The following ZFAT variants were observed in gnomAD, a reference collection of about 807,000 sequenced individuals.
The protein encoded by ZFAT is zinc finger protein ZFAT.
Under a neutral mutation model 117.7 loss-of-function variants are expected in ZFAT, and 64 were observed. The ratio of observed to expected loss-of-function variants is 0.54; its 90% confidence interval spans 0.44 to 0.67. The LOEUF is 0.67. ZFAT is among the 30% of genes least tolerant of loss of function. ZFAT has a pLI of 0.00. For missense variants in ZFAT, 1,433 were observed against 1,584.5 expected (o/e 0.90, Z 1.62); for synonymous variants, 679 against 615.0 (o/e 1.10, Z -1.54).
the ZFAT span, among the ~76,000 whole-genome samples, chr8:134,799,670 T>C: frequency 2.0e-5 from 3 of 152,292 alleles, no homozygotes; most frequent in East Asian, 3.9e-4. Context: ...CAAAGTAACA[T>C]AGCGAAGTAA....
chr8:134,478,390 C>T lies in ZFAT; in HGVS notation c.*92G>A. ...AGGGAGGGCAAAGGAGAGCACCATTCTGCGGGTAGGGCAGGAAGGGTGGCC... is the reference window on the plus strand; with the variant it reads ...AGGGAGGGCAAAGGAGAGCACCATTTTGCGGGTAGGGCAGGAAGGGTGGCC... On this transcript the variant is annotated 3_prime_UTR_variant, in exon 16 of 16. Transcript: ENST00000377838. The surrounding 1 kb of genome is among the most constrained non-coding windows in gnomAD (Gnocchi z 5.2). 1.3e-6 allele frequency: 2 copies of T among 1,483,694 alleles called. No individual in the cohort carries two copies. The highest frequency in any genetic ancestry group is 1.8e-6 in the Non-Finnish European group (2 of 1,114,302). The allele number at this position is 1,483,694 out of a possible 1,614,324, so 91.9% of individuals were successfully genotyped here. A position where few individuals can be genotyped will look rare whatever the true frequency, so the allele number is the denominator to read the frequency against.
At chr8:134,534,920 T>C (rs1821722934) in intron 11 of ZFAT, among the ~76,000 whole-genome samples, 1 of 152,118 alleles carries the variant, frequency 6.6e-6, no homozygotes, top group Non-Finnish European at 1.5e-5. Context: ...CCTTCTCCCT[T>C]CATGCTGTCA....
At chr8:134,530,769 T>C (rs1458804744) in intron 12 of ZFAT, among the ~76,000 whole-genome samples, 2 of 147,532 alleles carry the variant, frequency 1.4e-5, no homozygotes, top group East Asian at 2.0e-4. Flanking sequence ...AAAATAACAA[T>C]ATAAAAATAA....
At chr8:134,781,893 A>G in the ZFAT span, among the ~76,000 whole-genome samples, 1 of 152,228 alleles carries the variant, frequency 6.6e-6, no homozygotes, top group Non-Finnish European at 1.5e-5. Context: ...TCCCTAGCTT[A>G]AAGAATAGAG....
chr8:134,523,257 C>T (rs1363940548), intron 12 of ZFAT, among the ~76,000 whole-genome samples: 1 of 152,192 alleles, frequency 6.6e-6, no homozygotes, highest in Non-Finnish European at 1.5e-5. Flanking sequence ...CTACTCTGTC[C>T]CGTGTCGCCT....
At chr8:134,817,390 TCTCTACAC>T in the ZFAT span, among the ~76,000 whole-genome samples, 4 of 111,654 alleles carry the variant, frequency 3.6e-5, no homozygotes, top group South Asian at 2.8e-4. Flanking sequence ...TGTCTCTCTC[TCTCTACAC>T]ACACACACAC....
At chr8:134,561,064 C>T (rs942746181) in intron 11 of ZFAT, among the ~76,000 whole-genome samples, 6 of 152,200 alleles carry the variant, frequency 3.9e-5, no homozygotes, top group South Asian at 2.1e-4. Context: ...CTTCACCCAA[C>T]GTTTTATAGC....
chr8:134,637,443 C>T lies in ZFAT; in HGVS notation c.448+18G>A. 2 of 1,599,492 alleles carry T rather than the reference C, an allele frequency of 1.3e-6. No homozygotes were observed. The highest frequency in any genetic ancestry group is 8.6e-7 in the Non-Finnish European group (1 of 1,169,036). On this transcript the variant is annotated intron_variant, in intron 3 of 15. Transcript: ENST00000377838. ...CTTCATAAGAAATTGACATGTTCAG[C>T]CCTTTGGCAGCATTTACCTGCTTCT...
At chr8:134,761,010 G>A in the ZFAT span, among the ~76,000 whole-genome samples, 1 of 152,190 alleles carries the variant, frequency 6.6e-6, no homozygotes, top group Non-Finnish European at 1.5e-5. Flanking sequence ...GGGATCACAT[G>A]TTATAGTCTT....
At chr8:134,555,223 T>C (rs1385526627) in intron 11 of ZFAT, among the ~76,000 whole-genome samples, 2 of 151,394 alleles carry the variant, frequency 1.3e-5, no homozygotes, top group African/African-American at 4.9e-5. Flanking sequence ...GAAATGCTGC[T>C]GTCAACCAGA....
At chr8:134,666,122 T>C (rs1275165420) in intron 1 of ZFAT, among the ~76,000 whole-genome samples, 1 of 152,176 alleles carries the variant, frequency 6.6e-6, no homozygotes, top group African/African-American at 2.4e-5. Flanking sequence ...AGGGTAGTAC[T>C]AAGGCACCCT....
chr8:134,657,853 A>G, intron 1 of ZFAT, 116 bp from the exon 2 acceptor site: 1 of 1,130,476 alleles, frequency 8.8e-7, no homozygotes, highest in East Asian at 2.6e-5. Context: ...AGCCTCTACC[A>G]GATTGTGTCT....
At chr8:134,790,291 G>T in the ZFAT span, among the ~76,000 whole-genome samples, 2 of 152,160 alleles carry the variant, frequency 1.3e-5, no homozygotes, top group African/African-American at 4.8e-5. Context: ...CACACCTTTT[G>T]TTAAAGTAAT....
intron 12 of ZFAT, among the ~76,000 whole-genome samples, chr8:134,530,379 C>T (rs888547591): frequency 2.6e-4 from 40 of 152,152 alleles, no homozygotes; most frequent in Non-Finnish European, 4.3e-4. Context: ...AACAATTCAA[C>T]ATTTCCAAAC....
Position 134,520,967 on chromosome 8 carries a change from A to G in ZFAT, c.3150T>C (p.Tyr1050=), listed in dbSNP as rs771421214. The G allele has an allele frequency of 4.3e-6, 7 of 1,613,934 alleles. No individual in the cohort carries two copies. In the Admixed American group the frequency reaches 1.2e-4, roughly 27 times the overall value. The change falls in exon 13 of 16, where the codon TAT becomes TAC. Residue 1050 remains tyrosine, a synonymous_variant. Transcript: ENST00000377838. ...GLKCPVCSFV[Y]GTKWEFNRHL... ...GCCTATTGAACTCCCATTTGGTGCC[A>G]TATACAAAGCTGCAAACAGGACACT...
chr8:134,478,164 T>G lies in ZFAT; in HGVS notation c.*318A>C. 4 of 323,868 alleles carry G rather than the reference T, an allele frequency of 1.2e-5. No individual in the cohort carries two copies. The highest frequency in any genetic ancestry group is 7.0e-5 in the South Asian group (1 of 14,264). 20.1% of individuals were successfully genotyped at this position (323,868 alleles called of 1,614,324 possible). ...GGAAGATGCTGAGGGGGACTGGGAG[T>G]CTCTGTTTGAATCTTGAAGCAAGGG... On this transcript the variant is annotated 3_prime_UTR_variant, in exon 16 of 16. Transcript: ENST00000377838. The surrounding 1 kb of genome is among the most constrained non-coding windows in gnomAD (Gnocchi z 5.2).
At chr8:134,527,965 A>G (rs1233005227) in intron 12 of ZFAT, among the ~76,000 whole-genome samples, 1 of 152,220 alleles carries the variant, frequency 6.6e-6, no homozygotes, top group Non-Finnish European at 1.5e-5. Context: ...CAGATTAGCA[A>G]TTAGCCTCGG....
intron 10 of ZFAT, among the ~76,000 whole-genome samples, chr8:134,567,271 T>C (rs911259458): frequency 6.6e-6 from 1 of 152,108 alleles, no homozygotes; most frequent in African/African-American, 2.4e-5. Context: ...AAAATCTTTA[T>C]GGCCCTAACT....
intron 2 of ZFAT, among the ~76,000 whole-genome samples, chr8:134,656,389 T>G (rs1337895238): frequency 6.6e-6 from 1 of 152,174 alleles, no homozygotes; most frequent in Non-Finnish European, 1.5e-5. Flanking sequence ...TAGCTGACGG[T>G]GATGACAGAA....
Sources: gnomAD v4.1 joint callset for allele counts (sites outside exome capture counted in the v4.1 genomes callset) on GRCh38, gnomAD v4.1.1 for gene constraint, Gnocchi (gnomAD v3.1) non-coding constraint, MANE v1.5 for transcripts, NCBI Gene and HGNC (gene_info 2026-07-23, HGNC 2026-07-21) for gene names.